ABCB4: variants seen among roughly 807,000 people sequenced by gnomAD.
ABCB4 encodes the protein phosphatidylcholine translocator ABCB4.
In ABCB4, 76 loss-of-function variants were observed where a neutral mutation model predicts 145.7. The ratio of observed to expected loss-of-function variants is 0.52; its 90% confidence interval spans 0.43 to 0.63. The LOEUF (loss-of-function observed/expected upper bound fraction) is 0.63. Ranked by LOEUF, ABCB4 falls within the 30% of genes least tolerant of loss-of-function variation. The pLI is 0.00. For missense variants in ABCB4, 1,234 were observed against 1,553.1 expected, an observed-to-expected ratio of 0.79 and a Z score of 3.45; for synonymous variants, 517 against 566.8, an observed-to-expected ratio of 0.91 and a Z score of 1.25.
At chr7:87,440,139 A>G in intron 13 of ABCB4, 60 bp downstream of exon 13, 1 of 1,543,280 alleles carries the variant, frequency 6.5e-7, no homozygotes, top group South Asian at 1.1e-5. Flanking sequence ...TGAAGAATAA[A>G]CTCAGTCCTA....
chr7:87,425,299 T>C (rs1017864679), intron 16 of ABCB4, among the ~76,000 whole-genome samples: 10 of 152,310 alleles, frequency 6.6e-5, no homozygotes, highest in African/African-American at 2.2e-4. Context: ...TACTGGAGTT[T>C]AAAGAGATAG....
At chr7:87,369,826 A>T in the ABCB4 span, 1 of 148,566 alleles carries the variant, frequency 6.7e-6, no homozygotes, top group African/African-American at 2.5e-5. Flanking sequence ...AAATATATAT[A>T]ATATATAATA....
intron 3 of ABCB4, among the ~76,000 whole-genome samples, chr7:87,470,979 C>G (rs1432474598): frequency 6.6e-6 from 1 of 152,060 alleles, no homozygotes; most frequent in East Asian, 1.9e-4. Flanking sequence ...AAATGTCCAA[C>G]AATGATAGAC....
intron 12 of ABCB4, among the ~76,000 whole-genome samples, chr7:87,442,235 T>C (rs2116705546): frequency 6.6e-6 from 1 of 152,208 alleles, no homozygotes; most frequent in South Asian, 2.1e-4. Flanking sequence ...AGAATGGGCC[T>C]ATGTTCCCCC....
chr7:87,398,381 TTGTG>T, downstream of ABCB4: 1 of 968,302 alleles, frequency 1.0e-6, no homozygotes. Flanking sequence ...TTACCTTCAA[TTGTG>T]TCAGGTTACA....
At chr7:87,450,468 A>AT (rs373293934) in intron 7 of ABCB4, among the ~76,000 whole-genome samples, 21,672 of 131,108 alleles carry the variant, frequency 0.17, 2,245 homozygotes, top group African/African-American at 0.25. Context: ...TTGTGTCACA[A>AT]TTTTTTTTTT....
At position 87,418,618 on chromosome 7, in the gene ABCB4, G is replaced by A; in HGVS notation, c.2397C>T (p.Asp799=). ...SMAFKAMLRQ[D]MSWFDDHKNS... ...TTTTATGGTCATCAAACCAGCTCAT[G>A]TCCTATGGCATAAAATACACGTTTA... The change falls in exon 20 of 28, where the codon GAC becomes GAT. Residue 799 remains aspartate, a splice_region_variant and synonymous_variant. Transcript: ENST00000649586. 3.1e-6 allele frequency: 5 copies of A among 1,613,982 alleles called. No individual in the cohort carries two copies. The highest frequency in any genetic ancestry group is 4.2e-6 in the Non-Finnish European group (5 of 1,179,878).
chr7:87,382,259 A>G, the ABCB4 span: 2 of 1,432,266 alleles, frequency 1.4e-6, no homozygotes, highest in Non-Finnish European at 1.9e-6. Context: ...GCTGTCATCC[A>G]AGCATGTCTG....
intron 4 of ABCB4, among the ~76,000 whole-genome samples, chr7:87,455,629 C>G (rs1353317953): frequency 6.6e-6 from 1 of 151,928 alleles, no homozygotes; most frequent in Non-Finnish European, 1.5e-5. Context: ...TTAGAAAAGA[C>G]AAATGAAAAA....
intron 8 of ABCB4, 129 bp from the exon 9 acceptor site, chr7:87,447,334 AC>A (rs1811419992): frequency 1.2e-6 from 1 of 854,284 alleles, no homozygotes; most frequent in Admixed American, 2.3e-5. Context: ...CCATGGTGAG[AC>A]CCAGATCTTT....
chr7:87,371,534 T>C, the ABCB4 span, among the ~76,000 whole-genome samples: 4 of 152,204 alleles, frequency 2.6e-5, no homozygotes, highest in African/African-American at 9.6e-5. Context: ...ATATCTATGG[T>C]TTGATATTAG....
the ABCB4 span, chr7:87,392,767 A>G: frequency 8.1e-6 from 13 of 1,613,756 alleles, no homozygotes; most frequent in East Asian, 2.9e-4. Context: ...TACTCATAGC[A>G]AAAGAGGAAG....
Position 87,451,768 on chromosome 7 carries a change from AT to A in ABCB4, c.562del (p.Ile188LeufsTer12), listed in dbSNP as rs770053938. 1 of 1,614,146 alleles carries A rather than the reference AT, an allele frequency of 6.2e-7. No individual in the cohort carries two copies. Among genetic ancestry groups the A allele is most frequent in the Admixed American group, 1.7e-5 (1 of 60,016 alleles). Reference sequence around the variant, plus strand: ...AAAGAACATTCCAACCTTGTCACCAATTCCTTCACTGATTTTGGAGATGTCA... The same window carrying A: ...AAAGAACATTCCAACCTTGTCACCAATCCTTCACTGATTTTGGAGATGTCA... Reference protein sequence around the residue: ...TDDISKISEGIGDKVGMFFQA... With the variant: ...TDDISKISEGXGDKVGMFFQA... On this transcript the variant is annotated frameshift_variant, in exon 7 of 28. Coordinates refer to ENST00000649586, the MANE Select transcript of ABCB4 (RefSeq NM_000443.4). LOFTEE classifies it high-confidence loss of function.
At chr7:87,418,466 T>C (rs1476138835) in intron 20 of ABCB4, 71 bp downstream of exon 20, 1 of 1,345,254 alleles carries the variant, frequency 7.4e-7, no homozygotes. Context: ...TCTTAACAAG[T>C]GTGGGTATGC....
intron 3 of ABCB4, among the ~76,000 whole-genome samples, chr7:87,466,977 A>G (rs1563003346): frequency 6.6e-6 from 1 of 152,242 alleles, no homozygotes; most frequent in Non-Finnish European, 1.5e-5. Flanking sequence ...AAGGCTAGGA[A>G]GAAACTGCAT....
chr7:87,439,525 C>A (rs1810828581), intron 14 of ABCB4, 142 bp downstream of exon 14: 2 of 1,032,268 alleles, frequency 1.9e-6, no homozygotes, highest in African/African-American at 1.6e-5. Flanking sequence ...TGTAACCTGA[C>A]AGAAAGGAGA....
intron 15 of ABCB4, among the ~76,000 whole-genome samples, chr7:87,430,230 A>T (rs1029756189): frequency 5.9e-5 from 9 of 152,220 alleles, no homozygotes; most frequent in African/African-American, 2.2e-4. Flanking sequence ...GACTAATTTC[A>T]CACATTAATA....
chr7:87,379,169 T>C, the ABCB4 span, among the ~76,000 whole-genome samples: 205 of 152,306 alleles, frequency 1.3e-3, no homozygotes, highest in Non-Finnish European at 2.4e-3. Context: ...CTTTGACCTG[T>C]CTGCTGCAGT....
At chr7:87,456,495 C>G (rs1471469419) in intron 4 of ABCB4, among the ~76,000 whole-genome samples, 1 of 152,134 alleles carries the variant, frequency 6.6e-6, no homozygotes, top group East Asian at 1.9e-4. Context: ...TGCTCCCTCT[C>G]TCTCCATGTG....
Sources: allele counts gnomAD v4.1 joint callset (sites outside exome capture counted in the v4.1 genomes callset), GRCh38; gene constraint gnomAD v4.1.1; transcripts MANE v1.5; gene names NCBI Gene and HGNC (gene_info 2026-07-23, HGNC 2026-07-21).